PTPRN2: variants seen among roughly 807,000 people sequenced by gnomAD.
The protein encoded by PTPRN2 is protein tyrosine phosphatase receptor type N2.
PTPRN2 carries 74 observed loss-of-function variants against 118.8 expected under a neutral mutation model. The observed-to-expected ratio is 0.62, with a 90% confidence interval of 0.52 to 0.76. The LOEUF (loss-of-function observed/expected upper bound fraction) is 0.76. Among genes scored for constraint, PTPRN2 ranks in the 30% least tolerant of loss-of-function variants. PTPRN2 has a pLI of 0.00. For synonymous variants in PTPRN2, 641 were observed against 608.0 expected (o/e 1.05, Z -0.80); for missense variants, 1,481 against 1,394.4 (o/e 1.06, Z -0.99).
In PTPRN2 at chr7:157,987,208, G is replaced by A. The variant is rs960741081; in HGVS notation, c.1724-88471C>T. Among the ~76,000 whole-genome samples, 5 of 152,132 alleles carry A rather than the reference G, an allele frequency of 3.3e-5. No individual in the cohort carries two copies. Among genetic ancestry groups the A allele is most frequent in the African/African-American group, 1.2e-4 (5 of 41,418 alleles). ...TTCCTGGGATTAGGAAGCACGAAGT[G>A]TCCAGATCTGCTTCTGAAATCTCTT... is the stretch of plus-strand genomic sequence containing the variant. On this transcript the variant is annotated intron_variant, in intron 11 of 22. Coordinates refer to ENST00000389418, the MANE Select transcript of PTPRN2 (RefSeq NM_002847.5). The surrounding 1 kb of genome is among the most constrained non-coding windows in gnomAD (Gnocchi z 4.3).
Position 158,517,984 on chromosome 7 carries a change from G to A in PTPRN2, c.113-28199C>T, listed in dbSNP as rs559224164. Among the ~76,000 whole-genome samples the A allele has an allele frequency of 7.3e-4, 111 of 152,274 alleles. No individual in the cohort carries two copies. The highest frequency in any genetic ancestry group is 3.4e-3 in the Middle Eastern group (1 of 294). On this transcript the variant is annotated intron_variant, in intron 1 of 22. Coordinates refer to ENST00000389418, the MANE Select transcript of PTPRN2 (RefSeq NM_002847.5). The surrounding 1 kb of genome is among the most constrained non-coding windows in gnomAD (Gnocchi z 5.3). ...CAAGAGGGCTCCCTAATTCCTGACC[G>A]GGCGGGGCACCCCTGCAACATTCTC... is the stretch of plus-strand genomic sequence containing the variant.
chr7:157,720,923 G>A lies in PTPRN2; in HGVS notation c.1789-37986C>T, dbSNP rs1330943198. 3.3e-5 allele frequency among the ~76,000 whole-genome samples: 5 copies of A among 152,288 alleles called. No homozygotes were observed. In the East Asian group the frequency reaches 7.7e-4, roughly 24 times the overall value. On this transcript the variant is annotated intron_variant, in intron 12 of 22. Transcript: ENST00000389418. ...GTTTCTTAAGTGTGACAAGGTGAAA[G>A]CCCCTCGCGAGTTGAGGAAGGTCTC...
chr7:157,678,572 G>A (rs926174619), intron 13 of PTPRN2, among the ~76,000 whole-genome samples: 4 of 152,182 alleles, frequency 2.6e-5, no homozygotes, highest in East Asian at 1.9e-4. Flanking sequence ...CCCTCAGATC[G>A]CAGCAATTGC....
chr7:158,216,459 C>T (rs568008413), intron 3 of PTPRN2, among the ~76,000 whole-genome samples: 62 of 151,270 alleles, frequency 4.1e-4, no homozygotes, highest in African/African-American at 1.5e-3. Context: ...CAACTATACA[C>T]TATATGAAGC....
At chr7:158,193,729 C>A (rs1825966429) in intron 4 of PTPRN2, among the ~76,000 whole-genome samples, 1 of 152,042 alleles carries the variant, frequency 6.6e-6, no homozygotes, top group South Asian at 2.1e-4. Context: ...CTCAGCCGCC[C>A]AGAGCTTCAC....
chr7:158,475,190 A>G (rs562287460), intron 2 of PTPRN2, among the ~76,000 whole-genome samples: 44 of 99,962 alleles, frequency 4.4e-4, no homozygotes, highest in African/African-American at 1.6e-3. Context: ...CTCCCAGAGG[A>G]GCAGCCTGTG....
In PTPRN2 at chr7:158,574,901, GT is replaced by G. The variant is rs1356362043; in HGVS notation, c.112+12656del. On this transcript the variant is annotated intron_variant, in intron 1 of 22. Transcript: ENST00000389418. This position sits in a 1 kb window ranked among gnomAD's most constrained non-coding sequence, Gnocchi z 4.6. ...CATCCACCTAGTCCCAGCAGCAGAG[GT>G]GAGAGCCACTGATTTACACGGCAGA... Among the ~76,000 whole-genome samples, 1,530 of 152,282 alleles carry G rather than the reference GT, an allele frequency of 0.01. 22 individuals carry two copies. The highest frequency in any genetic ancestry group is 0.035 in the African/African-American group (1,453 of 41,544).
At chr7:158,459,547 G>T (rs955127243) in intron 2 of PTPRN2, among the ~76,000 whole-genome samples, 8 of 152,156 alleles carry the variant, frequency 5.3e-5, no homozygotes, top group African/African-American at 1.9e-4. Context: ...CAGTCCAAAT[G>T]TCATAGCTTC....
chr7:157,564,676 T>C (rs1799394277), intron 21 of PTPRN2, among the ~76,000 whole-genome samples: 1 of 152,244 alleles, frequency 6.6e-6, no homozygotes, highest in Non-Finnish European at 1.5e-5. Flanking sequence ...CAATAAGCCA[T>C]TAAAAGATGT....
chr7:158,205,369 T>C (rs1827051210), intron 3 of PTPRN2, 96 bp from the exon 4 acceptor site: 3 of 845,294 alleles, frequency 3.5e-6, no homozygotes, highest in Non-Finnish European at 5.9e-6. Flanking sequence ...CAGCATTAAG[T>C]TGATGGTCCC....
At chr7:157,976,342 G>A (rs1307121886) in intron 11 of PTPRN2, among the ~76,000 whole-genome samples, 2 of 152,194 alleles carry the variant, frequency 1.3e-5, no homozygotes, top group African/African-American at 4.8e-5. Flanking sequence ...CTGTTCCTGT[G>A]TTGGGCATTC....
rs546354762 is a variant in PTPRN2 at position 158,249,337 on chromosome 7, GCA to G, written c.278-44066_278-44065del. On this transcript the variant is annotated intron_variant, in intron 3 of 22. Coordinates refer to ENST00000389418, the MANE Select transcript of PTPRN2 (RefSeq NM_002847.5). ...ACACCTGCATGCACACACCCTGCAT[GCA>G]CACACATCACACACATGCACACCAT... Among the ~76,000 whole-genome samples the G allele has an allele frequency of 1.2e-3, 168 of 143,724 alleles. 1 individual carries two copies. The highest frequency in any genetic ancestry group is 4.3e-3 in the African/African-American group (162 of 37,586). 94.3% of individuals were successfully genotyped at this position (143,724 alleles called of 152,430 possible). A position where few individuals can be genotyped will look rare whatever the true frequency, so the allele number is the denominator to read the frequency against.
In PTPRN2 at chr7:157,595,502, AGGAAGCCC is replaced by A. The variant is rs1563245289; in HGVS notation, c.2419-195_2419-188del. On this transcript the variant is annotated intron_variant, in intron 16 of 22. Coordinates refer to ENST00000389418, the MANE Select transcript of PTPRN2 (RefSeq NM_002847.5). The stretch of plus-strand genomic sequence containing the variant: ...CAGGAGGTTAGGAAGCCTGGTGTTT[AGGAAGCCC>A]GGAGGTTAGGAAGCCAGAAGGTTAG... 3.5e-3 allele frequency among the ~76,000 whole-genome samples: 507 copies of A among 146,358 alleles called. 25 individuals carry two copies. Among genetic ancestry groups the A allele is most frequent in the East Asian group, 0.013 (65 of 4,962 alleles).
At chr7:157,654,483 A>G (rs1805935687) in intron 14 of PTPRN2, among the ~76,000 whole-genome samples, 1 of 152,234 alleles carries the variant, frequency 6.6e-6, no homozygotes, top group Non-Finnish European at 1.5e-5. Flanking sequence ...AGTCTAAGTC[A>G]GCCGGACTCA....
chr7:158,277,404 C>T (rs1392534703), intron 3 of PTPRN2, among the ~76,000 whole-genome samples: 2 of 152,190 alleles, frequency 1.3e-5, no homozygotes, highest in African/African-American at 4.8e-5. Context: ...GGAGGCCGGG[C>T]CCAGGCCTGA....
rs190378473 is a variant in PTPRN2, at chr7:158,410,135, T to C, written c.163+79600A>G. Among the ~76,000 whole-genome samples the C allele has an allele frequency of 4.6e-5, 7 of 152,212 alleles. No homozygotes were observed. In the East Asian group the frequency reaches 1.4e-3, roughly 30 times the overall value. On this transcript the variant is annotated intron_variant, in intron 2 of 22. Transcript: ENST00000389418. ...ACAGTCTCTGGCCACCTTCCCTCCA[T>C]TTAAGAAAAAGAAAAACAGCCCATG...
intron 3 of PTPRN2, among the ~76,000 whole-genome samples, chr7:158,266,060 C>G (rs140710217): frequency 2.0e-5 from 3 of 147,514 alleles, no homozygotes; most frequent in Non-Finnish European, 3.1e-5. Context: ...AGGCTGGGGA[C>G]GGCGTCTGCT....
intron 2 of PTPRN2, among the ~76,000 whole-genome samples, chr7:158,407,207 G>C (rs766446384): frequency 0.12 from 3,173 of 26,356 alleles, 44 homozygotes; most frequent in Middle Eastern, 0.23. Flanking sequence ...CTGGGTCCTG[G>C]GTCCTGCGTC....
chr7:157,896,686 C>G (rs1313624551), intron 12 of PTPRN2, among the ~76,000 whole-genome samples: 1 of 151,070 alleles, frequency 6.6e-6, no homozygotes, highest in Non-Finnish European at 1.5e-5. Context: ...GGTGCTGTCC[C>G]CCAGGCTCAC....
Sources: allele counts gnomAD v4.1 joint callset (sites outside exome capture counted in the v4.1 genomes callset), GRCh38; gene constraint gnomAD v4.1.1; non-coding constraint Gnocchi (gnomAD v3.1); transcripts MANE v1.5; gene names NCBI Gene and HGNC (gene_info 2026-07-23, HGNC 2026-07-21).